Variants in TTYH3 observed in about 807,000 individuals in gnomAD.
The protein encoded by TTYH3 is protein tweety homolog 3.
Under a neutral mutation model 68.2 loss-of-function variants are expected in TTYH3, and 23 were observed. That is an observed-to-expected ratio of 0.34 (90% CI 0.24 to 0.48). The LOEUF is 0.48. Among genes scored for constraint, TTYH3 ranks in the 20% least tolerant of loss-of-function variants. The pLI, the probability that TTYH3 is intolerant of heterozygous loss-of-function variation, is 0.99. For synonymous variants in TTYH3, 360 were observed against 332.8 expected (o/e 1.08, Z -0.89); for missense variants, 768 against 727.7 (o/e 1.06, Z -0.64).
chr7:2,663,504 A>T lies in TTYH3; in HGVS notation c.*1765A>T, dbSNP rs1342921596. On this transcript the variant is annotated 3_prime_UTR_variant, in exon 14 of 14. Coordinates refer to ENST00000258796, the MANE Select transcript of TTYH3 (RefSeq NM_025250.3). The stretch of plus-strand genomic sequence containing the variant: ...GTCTGAGCTCCCCAGGCATGACCAA[A>T]CCTCAGTGGAGGGGCCTCTGCTTCA... The T allele has an allele frequency of 6.6e-6, 1 of 152,288 alleles. No individual in the cohort carries two copies. Among genetic ancestry groups the T allele is most frequent in the African/African-American group, 2.4e-5 (1 of 41,376 alleles). The allele number at this position is 152,288 out of a possible 1,614,324, so 9.4% of individuals were successfully genotyped here.
At chr7:2,647,879 C>A in intron 4 of TTYH3, 80 bp from the exon 5 acceptor site, 1 of 1,514,390 alleles carries the variant, frequency 6.6e-7, no homozygotes, top group Non-Finnish European at 9.1e-7. Context: ...CTGGCCTCAG[C>A]TCCCCCTCAA....
At chr7:2,659,272 C>T (rs1184983790) in intron 13 of TTYH3, among the ~76,000 whole-genome samples, 1 of 152,184 alleles carries the variant, frequency 6.6e-6, no homozygotes, top group Admixed American at 6.5e-5. Context: ...CCAGAGTGGG[C>T]AGCCTCGGGA....
chr7:2,658,604 C>T (rs1348983996), intron 12 of TTYH3, 145 bp downstream of exon 12: 12 of 1,004,496 alleles, frequency 1.2e-5, no homozygotes, highest in Non-Finnish European at 1.7e-5. Context: ...TGCCTCCTGC[C>T]CCAGGTGAAC....
chr7:2,657,404 GTGGTTGTGGTGGTGGTGA>G (rs1409943727), intron 11 of TTYH3, among the ~76,000 whole-genome samples: 2 of 124,214 alleles, frequency 1.6e-5, no homozygotes, highest in Admixed American at 7.3e-5. Context: ...GATGGTGGTG[GTGGTTGTGGTGGTGGTGA>G]TGGTGATGGT....
intron 11 of TTYH3, among the ~76,000 whole-genome samples, chr7:2,657,789 G>C (rs1202799436): frequency 6.6e-6 from 1 of 152,228 alleles, no homozygotes; most frequent in African/African-American, 2.4e-5. Flanking sequence ...AGCCCACCCT[G>C]TGTCCCATGT....
chr7:2,633,406 A>G (rs918129317), intron 1 of TTYH3, among the ~76,000 whole-genome samples: 1 of 151,978 alleles, frequency 6.6e-6, no homozygotes, highest in Non-Finnish European at 1.5e-5. Context: ...CTGGGAGCCC[A>G]CTGCTCCCAG....
At chr7:2,633,236 A>G (rs930264463) in intron 1 of TTYH3, among the ~76,000 whole-genome samples, 2 of 152,158 alleles carry the variant, frequency 1.3e-5, no homozygotes, top group African/African-American at 2.4e-5. Context: ...TGGACGGATC[A>G]TGGCAGAGCC....
At chr7:2,654,888 G>T (rs1018877152) in intron 9 of TTYH3, among the ~76,000 whole-genome samples, 3 of 151,982 alleles carry the variant, frequency 2.0e-5, no homozygotes, top group Non-Finnish European at 4.4e-5. Context: ...GGGTTCCAGC[G>T]ATTCTCCTGC....
chr7:2,635,335 T>C (rs940989259), intron 1 of TTYH3, among the ~76,000 whole-genome samples: 1 of 152,230 alleles, frequency 6.6e-6, no homozygotes, highest in Admixed American at 6.5e-5. Context: ...GCTCTGTCGC[T>C]TCTTCCTGCG....
chr7:2,642,358 T>C (rs1049073237), intron 1 of TTYH3, among the ~76,000 whole-genome samples: 12 of 151,894 alleles, frequency 7.9e-5, no homozygotes, highest in Non-Finnish European at 1.5e-5. Flanking sequence ...CTGGCCAACG[T>C]GGTGAACTCC....
In TTYH3 at chr7:2,664,100, C is replaced by T. The variant is rs1370863143; in HGVS notation, c.*2361C>T. ...CAGGCCCACAGCCTCGTTGGGAGGA[C>T]AGGGTGGCCCTGGGGACAAGAGGGA... On this transcript the variant is annotated 3_prime_UTR_variant, in exon 14 of 14. Transcript: ENST00000258796. 1 of 152,492 alleles carries T rather than the reference C, an allele frequency of 6.6e-6. No homozygotes were observed. The highest frequency in any genetic ancestry group is 1.9e-4 in the East Asian group (1 of 5,290). The allele number at this position is 152,492 out of a possible 1,614,324, so 9.4% of individuals were successfully genotyped here. A position where few individuals can be genotyped will look rare whatever the true frequency, so the allele number is the denominator to read the frequency against.
chr7:2,653,116 C>T (rs1434190126), intron 9 of TTYH3, 106 bp downstream of exon 9: 8 of 1,017,064 alleles, frequency 7.9e-6, no homozygotes, highest in Non-Finnish European at 1.2e-5. Context: ...GGAGAAGGCA[C>T]CAGGCTGGCC....
chr7:2,660,973 G>A (rs1786479441), intron 13 of TTYH3, among the ~76,000 whole-genome samples: 1 of 152,206 alleles, frequency 6.6e-6, no homozygotes, highest in Non-Finnish European at 1.5e-5. Flanking sequence ...CACCCACGAG[G>A]TGCAGGCCAG....
At position 2,646,824 on chromosome 7, in the gene TTYH3, C is replaced by T. The variant is rs774396828; in HGVS notation, c.124-29C>T. The T allele has an allele frequency of 6.9e-6, 11 of 1,582,916 alleles. No homozygotes were observed. The African/African-American group carries it at 1.3e-4, about 19-fold the overall frequency. The stretch of plus-strand genomic sequence containing the variant: ...GGGACTCTGAGCTGGGGGTCCACCC[C>T]TCCAGCGCCGCTTCCTGCCTGCCCT... On this transcript the variant is annotated intron_variant, in intron 1 of 13. Transcript: ENST00000258796.
At chr7:2,654,775 TTTTTTA>T (rs746157916) in intron 9 of TTYH3, among the ~76,000 whole-genome samples, 1 of 152,078 alleles carries the variant, frequency 6.6e-6, no homozygotes, top group Non-Finnish European at 1.5e-5. Context: ...TCTCCTCTTC[TTTTTTA>T]TTTTTATTTA....
Position 2,645,610 on chromosome 7 carries a change from G to T in TTYH3, c.124-1243G>T. On this transcript the variant is annotated intron_variant, in intron 1 of 13. Transcript: ENST00000258796. This position sits in a 1 kb window ranked among gnomAD's most constrained non-coding sequence, Gnocchi z 4.8. Reference sequence around the variant, plus strand: ...CAGACAGGGCTGTGTGTCCGATGGGGCGCCTGTATGCAGCCTGTAGCAGTG... The same window carrying T: ...CAGACAGGGCTGTGTGTCCGATGGGTCGCCTGTATGCAGCCTGTAGCAGTG... 1 of 358,628 alleles carries T rather than the reference G, an allele frequency of 2.8e-6. No individual in the cohort carries two copies. Among genetic ancestry groups the T allele is most frequent in the Non-Finnish European group, 5.7e-6 (1 of 176,086 alleles). 22.2% of individuals were successfully genotyped at this position (358,628 alleles called of 1,614,324 possible). A position where few individuals can be genotyped will look rare whatever the true frequency, so the allele number is the denominator to read the frequency against.
chr7:2,649,618 C>G lies in TTYH3; in HGVS notation c.774C>G (p.Gly258=), dbSNP rs1205549246. The G allele has an allele frequency of 6.3e-7, 1 of 1,599,550 alleles. No individual in the cohort carries two copies. Among genetic ancestry groups the G allele is most frequent in the Non-Finnish European group, 8.5e-7 (1 of 1,177,514 alleles). The part of the protein sequence containing the change: ...LALVISWGAL[G]LELAVSVGSS... ...TGGTCATCAGCTGGGGCGCGCTGGG[C>G]TTGGAGCTGGCTGTGTCCGTGGTGA... Residue 258 remains glycine, a synonymous_variant, in exon 6 of 14, where the codon GGC becomes GGG. Transcript: ENST00000258796.
At position 2,664,468 on chromosome 7, in the gene TTYH3, A is replaced by G. The variant is rs1470817381; in HGVS notation, c.*2729A>G. The G allele has an allele frequency of 1.3e-5, 2 of 151,282 alleles. No individual in the cohort carries two copies. Among genetic ancestry groups the G allele is most frequent in the Admixed American group, 6.6e-5 (1 of 15,170 alleles). The allele number at this position is 151,282 out of a possible 1,614,324, so 9.4% of individuals were successfully genotyped here. ...TGTACTGAACCACTTCATATTTGTT[A>G]TATATAATATATATATATATAATCT... On this transcript the variant is annotated 3_prime_UTR_variant, in exon 14 of 14. Coordinates refer to ENST00000258796, the MANE Select transcript of TTYH3 (RefSeq NM_025250.3).
intron 1 of TTYH3, among the ~76,000 whole-genome samples, chr7:2,640,403 T>TGGGGGGGGACGTGTGTGTG (rs1785806719): frequency 6.6e-6 from 1 of 151,212 alleles, no homozygotes; most frequent in Admixed American, 6.6e-5. Context: ...TGTGTGTGTG[T>TGGGGGGGGACGTGTGTGTG]GGGGGGGGAC....
Sources: allele counts gnomAD v4.1 joint callset (sites outside exome capture counted in the v4.1 genomes callset), GRCh38; gene constraint gnomAD v4.1.1; non-coding constraint Gnocchi (gnomAD v3.1); transcripts MANE v1.5; gene names NCBI Gene and HGNC (gene_info 2026-07-23, HGNC 2026-07-21).